MTCL1: variants seen among roughly 807,000 people sequenced by gnomAD.
MTCL1 encodes the protein microtubule crosslinking factor 1, also known as microtubule cross-linking factor 1.
In MTCL1, 79 loss-of-function variants were observed where a neutral mutation model predicts 141.4. That is an observed-to-expected ratio of 0.56 (90% CI 0.47 to 0.67). The LOEUF (loss-of-function observed/expected upper bound fraction) is 0.67, where lower values mean the gene tolerates loss of function less well. Ranked by LOEUF, MTCL1 falls within the 30% of genes least tolerant of loss-of-function variation. The pLI is 0.00. For missense variants in MTCL1, 2,177 were observed against 2,113.9 expected (o/e 1.03, Z -0.59); for synonymous variants, 914 against 875.8 (o/e 1.04, Z -0.77).
At chr18:8,759,256 A>T (rs889182852) in intron 4 of MTCL1, among the ~76,000 whole-genome samples, 2 of 152,226 alleles carry the variant, frequency 1.3e-5, no homozygotes, top group Non-Finnish European at 2.9e-5. Context: ...CTGAAAGTAA[A>T]TGCTTGTTCT....
chr18:8,751,355 T>C (rs2096370259), intron 4 of MTCL1, among the ~76,000 whole-genome samples: 1 of 152,176 alleles, frequency 6.6e-6, no homozygotes, highest in Admixed American at 6.5e-5. Flanking sequence ...CATGCCTCTT[T>C]TGGTGACCAC....
intron 4 of MTCL1, among the ~76,000 whole-genome samples, chr18:8,777,216 AC>A (rs1455267646): frequency 5.9e-5 from 9 of 152,224 alleles, no homozygotes; most frequent in Admixed American, 2.0e-4. Context: ...AGCCTGGGTG[AC>A]AAAGTAGTGA....
At chr18:8,805,612 G>A (rs958058642) in intron 10 of MTCL1, among the ~76,000 whole-genome samples, 2 of 152,186 alleles carry the variant, frequency 1.3e-5, no homozygotes, top group African/African-American at 4.8e-5. Flanking sequence ...CCTGAAGGAG[G>A]GGTCCCAGTG....
At chr18:8,789,383 T>C (rs16954164) in intron 7 of MTCL1, 196,969 of 982,798 alleles carry the variant, frequency 0.2, 21,289 homozygotes, top group African/African-American at 0.38. Context: ...ATTGTCCTAA[T>C]AGAGGAGTAG....
In MTCL1 at chr18:8,824,850, A is replaced by G. The variant is rs868860974; in HGVS notation, c.3340A>G (p.Lys1114Glu). 1.7e-5 allele frequency: 27 copies of G among 1,614,012 alleles called. No individual in the cohort carries two copies. The Middle Eastern group carries it at 9.9e-4, about 59-fold the overall frequency. ...CCTCAAGTACATCGAGGAGTTCAAC[A>G]AGAGCTGGGACTACACACCCAACAG... The change falls in exon 15 of 17, where the codon AAG becomes GAG. Residue 1114 changes from lysine (K) to glutamate (E), a missense_variant. Coordinates refer to ENST00000359865, the Ensembl canonical transcript of MTCL1.
intron 4 of MTCL1, among the ~76,000 whole-genome samples, chr18:8,744,780 G>T (rs980841876): frequency 6.6e-6 from 1 of 152,128 alleles, no homozygotes; most frequent in Non-Finnish European, 1.5e-5. Context: ...TCAAGACGGG[G>T]GCACTCACCT....
At chr18:8,729,364 TC>T (rs1207342034) in intron 4 of MTCL1, among the ~76,000 whole-genome samples, 1 of 152,000 alleles carries the variant, frequency 6.6e-6, no homozygotes, top group East Asian at 1.9e-4. Context: ...ATATTTTTTT[TC>T]ATTGTTGAGT....
At chr18:8,825,500 G>T (rs1241961062) in exon 15 of MTCL1, 1 of 1,611,770 alleles carries the variant, frequency 6.2e-7, no homozygotes. Context: ...TGGGCTTGCA[G>T]ACTGAAGCCC....
chr18:8,802,439 G>A (rs1003513188), intron 10 of MTCL1: 23 of 152,222 alleles, frequency 1.5e-4, no homozygotes, highest in Admixed American at 6.5e-5. Flanking sequence ...TAGCTCTTTT[G>A]TGGAGCTGTG....
intron 4 of MTCL1, among the ~76,000 whole-genome samples, chr18:8,772,298 G>A (rs1223726652): frequency 2.0e-5 from 3 of 152,204 alleles, no homozygotes; most frequent in African/African-American, 7.2e-5. Context: ...ATCAGCTTGT[G>A]GGAAGAGACC....
intron 10 of MTCL1, among the ~76,000 whole-genome samples, chr18:8,805,351 A>G (rs1278334597): frequency 5.3e-5 from 8 of 152,306 alleles, no homozygotes; most frequent in East Asian, 1.9e-4. Flanking sequence ...AAGTGAGAAC[A>G]TGCGGTATTT....
At chr18:8,791,770 ATAG>A (rs1326751131) in intron 7 of MTCL1, among the ~76,000 whole-genome samples, 1 of 152,244 alleles carries the variant, frequency 6.6e-6, no homozygotes, top group African/African-American at 2.4e-5. Flanking sequence ...ATAAGAGACT[ATAG>A]TAGTCTCAAA....
chr18:8,721,429 G>A (rs1035301), intron 4 of MTCL1, among the ~76,000 whole-genome samples: 40,421 of 152,094 alleles, frequency 0.27, 5,821 homozygotes, highest in Admixed American at 0.39. Flanking sequence ...CTCCAGTTCA[G>A]TCAGGCCCAC....
At chr18:8,762,782 G>A in intron 4 of MTCL1, among the ~76,000 whole-genome samples, 1 of 152,196 alleles carries the variant, frequency 6.6e-6, no homozygotes, top group East Asian at 1.9e-4. Context: ...CTCTCGGTGA[G>A]GGGCAGGAAA....
chr18:8,804,884 G>A (rs892604712), intron 10 of MTCL1, among the ~76,000 whole-genome samples: 1 of 151,750 alleles, frequency 6.6e-6, no homozygotes, highest in Non-Finnish European at 1.5e-5. Flanking sequence ...CCAGCTACTT[G>A]GGAGTGTGAG....
chr18:8,826,947 C>T (rs894591922), intron 15 of MTCL1, among the ~76,000 whole-genome samples: 7 of 152,242 alleles, frequency 4.6e-5, no homozygotes, highest in Non-Finnish European at 7.3e-5. Flanking sequence ...CTTTACAAAA[C>T]GCTTCCCATT....
rs2076446935 is a variant in MTCL1 at position 8,810,478 on chromosome 18, C to T, written c.2605-2501C>T. Among the ~76,000 whole-genome samples the T allele has an allele frequency of 6.6e-6, 1 of 152,132 alleles. No homozygotes were observed. Among genetic ancestry groups the T allele is most frequent in the Non-Finnish European group, 1.5e-5 (1 of 68,016 alleles). On this transcript the variant is annotated intron_variant, in intron 11 of 16. Transcript: ENST00000359865. This position sits in a 1 kb window ranked among gnomAD's most constrained non-coding sequence, Gnocchi z 5.0. ...CTTGTGGGCAGAAGGAGTGTCCCTTCACTGTCTTCACAAAGCGGGTGAGCA... is the reference window on the plus strand; with the variant it reads ...CTTGTGGGCAGAAGGAGTGTCCCTTTACTGTCTTCACAAAGCGGGTGAGCA...
Position 8,828,415 on chromosome 18 carries a change from A to G in MTCL1, c.4723-493A>G, listed in dbSNP as rs1229835547. On this transcript the variant is annotated intron_variant, in intron 15 of 16. Transcript: ENST00000359865. The surrounding 1 kb of genome is among the most constrained non-coding windows in gnomAD (Gnocchi z 5.2). ...CGGTGTGAAGAGAAAGAATCTGAAAATGGAATGCTCTTCCTCCCTCCCCTA... is the reference window on the plus strand; with the variant it reads ...CGGTGTGAAGAGAAAGAATCTGAAAGTGGAATGCTCTTCCTCCCTCCCCTA... Among the ~76,000 whole-genome samples the G allele has an allele frequency of 6.6e-6, 1 of 152,184 alleles. No individual in the cohort carries two copies. The highest frequency in any genetic ancestry group is 1.5e-5 in the Non-Finnish European group (1 of 68,038).
At chr18:8,829,012 G>A in intron 16 of MTCL1, 1 of 1,613,696 alleles carries the variant, frequency 6.2e-7, no homozygotes, top group Non-Finnish European at 8.5e-7. Context: ...AGGTCGTGTT[G>A]TGTAACTCGC....
Sources: allele counts gnomAD v4.1 joint callset (sites outside exome capture counted in the v4.1 genomes callset), GRCh38; gene constraint gnomAD v4.1.1; non-coding constraint Gnocchi (gnomAD v3.1); transcripts MANE v1.5; gene names NCBI Gene and HGNC (gene_info 2026-07-23, HGNC 2026-07-21).